TMF1: variants seen among roughly 807,000 people sequenced by gnomAD.
The protein encoded by TMF1 is TATA element modulatory factor.
In TMF1, 71 loss-of-function variants were observed where a neutral mutation model predicts 126.5. The ratio of observed to expected loss-of-function variants is 0.56; its 90% CI spans 0.46 to 0.68. The LOEUF (loss-of-function observed/expected upper bound fraction) is 0.68, where lower values mean the gene tolerates loss of function less well. TMF1 is among the 30% of genes least tolerant of loss of function. The probability of loss-of-function intolerance (pLI) is 0.00; values close to 1 mark genes in which losing one functional copy is unlikely to be tolerated. For synonymous variants in TMF1, 461 were observed against 430.5 expected (o/e 1.07, Z -0.88); for missense variants, 1,259 against 1,253.2 (o/e 1.00, Z -0.07).
At chr3:69,035,291 T>C in intron 8 of TMF1, 176 bp from the exon 9 acceptor site, 1 of 563,408 alleles carries the variant, frequency 1.8e-6, no homozygotes, top group South Asian at 2.4e-5. Context: ...TCTAAAACTG[T>C]ATGTATATTC....
chr3:69,046,300 A>T (rs2091895520), intron 2 of TMF1, among the ~76,000 whole-genome samples: 1 of 57,666 alleles, frequency 1.7e-5, no homozygotes, highest in Non-Finnish European at 3.9e-5. Flanking sequence ...GGACTCAAAA[A>T]AATAGTCTTA....
At position 69,021,446 on chromosome 3, in the gene TMF1, T is replaced by C. The variant is rs2091737059; in HGVS notation, c.*1731A>G. On this transcript the variant is annotated 3_prime_UTR_variant, in exon 17 of 17. Coordinates refer to ENST00000398559, the MANE Select transcript of TMF1 (RefSeq NM_007114.3). ...AGCTGACAAAAAGCTATTAGACTACTTTTTACTACTAAAATGAAGAAAATT... is the reference window on the plus strand; with the variant it reads ...AGCTGACAAAAAGCTATTAGACTACCTTTTACTACTAAAATGAAGAAAATT... 1.3e-5 allele frequency: 2 copies of C among 152,582 alleles called. No individual in the cohort carries two copies. The highest frequency in any genetic ancestry group is 4.8e-5 in the African/African-American group (2 of 41,440). The allele number at this position is 152,582 out of a possible 1,614,324, so 9.5% of individuals were successfully genotyped here. A position where few individuals can be genotyped will look rare whatever the true frequency, so the allele number is the denominator to read the frequency against.
Position 69,038,886 on chromosome 3 carries a change from C to T in TMF1, c.1951G>A (p.Glu651Lys). 1 of 1,611,496 alleles carries T rather than the reference C, an allele frequency of 6.2e-7. No individual in the cohort carries two copies. Among genetic ancestry groups the T allele is most frequent in the Admixed American group, 1.7e-5 (1 of 59,422 alleles). Residue 651 changes from glutamate to lysine, a missense_variant, in exon 7 of 17, where the codon GAA becomes AAA. Physicochemically the swap from Glu to Lys is moderately conservative, Grantham distance 56. Transcript: ENST00000398559. Reference sequence around the variant, plus strand: ...GCAGCCTGAATACTTCGGTTCTTTTCTTCAAGTTCATCCATGTCTACCTGA... The same window carrying T: ...GCAGCCTGAATACTTCGGTTCTTTTTTTCAAGTTCATCCATGTCTACCTGA... ...RLQVDMDELE[E>K]KNRSIQAALD...
rs763483475 is a variant in TMF1 at position 69,039,009 on chromosome 3, C to G, written c.1828G>C (p.Val610Leu). 4 of 1,543,468 alleles carry G rather than the reference C, an allele frequency of 2.6e-6. No individual in the cohort carries two copies. Among genetic ancestry groups the G allele is most frequent in the Admixed American group, 4.2e-5 (2 of 47,214 alleles). The change falls in exon 7 of 17, where the codon GTC becomes CTC. Residue 610 changes from valine (V) to leucine (L), a missense_variant and splice_region_variant. Coordinates refer to ENST00000398559, the MANE Select transcript of TMF1 (RefSeq NM_007114.3). Reference protein sequence around the residue: ...LEEELQHLKQVLDGKEEVEKQ... With the variant: ...LEEELQHLKQLLDGKEEVEKQ... ...TCAACCTCTTCTTTGCCATCAAGGA[C>G]CTATATGTTATAAAAACAGACAAAA... is the stretch of plus-strand genomic sequence containing the variant.
In TMF1 at chr3:69,029,959, G is replaced by A; in HGVS notation, c.2450C>T (p.Ala817Val). The change falls in exon 11 of 17, where the codon GCT becomes GTT. Residue 817 changes from alanine (A) to valine (V), a missense_variant. Ala to Val is a moderately conservative substitution (Grantham distance 64). Coordinates refer to ENST00000398559, the MANE Select transcript of TMF1 (RefSeq NM_007114.3). Reference sequence around the variant, plus strand: ...TTTGTTAGCAAGGAGTTCTTCTGTAGCTGCACGTTCTCTCTCAACTGCTGC... The same window carrying A: ...TTTGTTAGCAAGGAGTTCTTCTGTAACTGCACGTTCTCTCTCAACTGCTGC... Reference protein sequence around the residue: ...LAAAVERERAATEELLANKIQ... With the variant: ...LAAAVERERAVTEELLANKIQ... 1 of 1,614,090 alleles carries A rather than the reference G, an allele frequency of 6.2e-7. No homozygotes were observed. Among genetic ancestry groups the A allele is most frequent in the Non-Finnish European group, 8.5e-7 (1 of 1,179,990 alleles).
chr3:69,050,266 A>C (rs573664056), intron 1 of TMF1, among the ~76,000 whole-genome samples: 27 of 151,620 alleles, frequency 1.8e-4, no homozygotes, highest in African/African-American at 5.1e-4. Context: ...TCTCAAAAAA[A>C]AAAAAAACAA....
At chr3:69,029,062 G>A (rs1406199452) in intron 11 of TMF1, among the ~76,000 whole-genome samples, 1 of 148,560 alleles carries the variant, frequency 6.7e-6, no homozygotes. Context: ...TTTTGGAGAC[G>A]GAGTCTCGCT....
In TMF1 at chr3:69,023,975, A is replaced by T. The variant is rs578042406; in HGVS notation, c.3138+80T>A. 2.3e-6 allele frequency: 3 copies of T among 1,326,350 alleles called. No individual in the cohort carries two copies. The African/African-American group carries it at 4.6e-5, about 20-fold the overall frequency. 82.2% of individuals were successfully genotyped at this position (1,326,350 alleles called of 1,614,324 possible). ...TAATTTTCAAATAAATCACTAACAC[A>T]TACTATAAATTAAAAACATGAGATT... On this transcript the variant is annotated intron_variant, in intron 16 of 16. Coordinates refer to ENST00000398559, the MANE Select transcript of TMF1 (RefSeq NM_007114.3).
intron 11 of TMF1, among the ~76,000 whole-genome samples, chr3:69,029,468 C>T (rs1238489633): frequency 6.7e-6 from 1 of 149,888 alleles, no homozygotes; most frequent in Non-Finnish European, 1.5e-5. Flanking sequence ...TTTTTGAGAC[C>T]GAGTCTCACT....
chr3:69,023,356 C>T (rs2091750041), intron 16 of TMF1, 36 bp from the exon 17 acceptor site: 2 of 1,516,196 alleles, frequency 1.3e-6, no homozygotes, highest in African/African-American at 1.4e-5. Context: ...TTTAAAATAA[C>T]TACACAGAAC....
intron 7 of TMF1, 42 bp downstream of exon 7, chr3:69,038,801 T>C (rs1281596265): frequency 6.3e-7 from 1 of 1,585,842 alleles, no homozygotes; most frequent in African/African-American, 1.4e-5. Context: ...CCTACTCTGA[T>C]AATTCATTCT....
chr3:69,033,440 C>A, intron 10 of TMF1, 108 bp downstream of exon 10: 1 of 1,248,346 alleles, frequency 8.0e-7, no homozygotes, highest in Non-Finnish European at 1.1e-6. Flanking sequence ...ATATTAGACA[C>A]AAAATGTAAC....
Position 69,022,768 on chromosome 3 carries a change from C to T in TMF1, c.*409G>A, listed in dbSNP as rs2091746475. The stretch of plus-strand genomic sequence containing the variant: ...TTAAATGTGAAAGATTTCAAAGTTT[C>T]AGTATGTTAACATTACTCTTCAAAT... On this transcript the variant is annotated 3_prime_UTR_variant, in exon 17 of 17. Transcript: ENST00000398559. 1 of 152,518 alleles carries T rather than the reference C, an allele frequency of 6.6e-6. No homozygotes were observed. The highest frequency in any genetic ancestry group is 2.1e-4 in the South Asian group (1 of 4,836). 9.4% of individuals were successfully genotyped at this position (152,518 alleles called of 1,614,324 possible).
intron 8 of TMF1, among the ~76,000 whole-genome samples, chr3:69,037,948 T>C (rs961671024): frequency 4.6e-5 from 7 of 152,200 alleles, no homozygotes; most frequent in Non-Finnish European, 7.3e-5. Flanking sequence ...CCCTCACCTA[T>C]TGCTGGTGGG....
rs375395667 is a variant in TMF1, at chr3:69,038,865, C to T, written c.1972G>A (p.Ala658Thr). Residue 658 changes from alanine (A) to threonine (T), a missense_variant, in exon 7 of 17, where the codon GCT becomes ACT. Transcript: ENST00000398559. ...TACTTGTATGCACTATCCAGGGCAG[C>T]CTGAATACTTCGGTTCTTTTCTTCA... ...ELEEKNRSIQ[A>T]ALDSAYKELT... The T allele has an allele frequency of 2.5e-4, 395 of 1,607,698 alleles. 4 individuals carry two copies. In the South Asian group the frequency reaches 4.1e-3, roughly 17 times the overall value.
intron 1 of TMF1, among the ~76,000 whole-genome samples, chr3:69,050,911 T>C (rs537279714): frequency 1.3e-5 from 2 of 152,328 alleles, no homozygotes; most frequent in South Asian, 4.1e-4. Context: ...GAACTGTTCC[T>C]TAGACTTAAG....
chr3:69,048,234 CAAA>C lies in TMF1; in HGVS notation c.468_470del (p.Leu157del). The C allele has an allele frequency of 6.2e-7, 1 of 1,614,184 alleles. No homozygotes were observed. The highest frequency in any genetic ancestry group is 8.5e-7 in the Non-Finnish European group (1 of 1,180,036). On this transcript the variant is annotated inframe_deletion, in exon 2 of 17. Transcript: ENST00000398559. ...CTGCCAGAGTTTCCCCTGAAACACA[CAAA>C]GAAGAGTCTTTTACTTGTGATTCAG... is the stretch of plus-strand genomic sequence containing the variant.
At chr3:69,032,613 C>CT (rs11447014) in intron 10 of TMF1, among the ~76,000 whole-genome samples, 110,393 of 143,862 alleles carry the variant, frequency 0.77, 42,211 homozygotes, top group Admixed American at 0.81. Flanking sequence ...AATATGGAAT[C>CT]TTTTTTTTTT....
chr3:69,040,046 T>C (rs1429247075), intron 5 of TMF1, among the ~76,000 whole-genome samples: 1 of 152,212 alleles, frequency 6.6e-6, no homozygotes, highest in Non-Finnish European at 1.5e-5. Context: ...ATATAGTTGT[T>C]CAATATCACC....
Sources: gnomAD v4.1 joint callset for allele counts (sites outside exome capture counted in the v4.1 genomes callset) on GRCh38, gnomAD v4.1.1 for gene constraint, MANE v1.5 for transcripts, NCBI Gene and HGNC (gene_info 2026-07-23, HGNC 2026-07-21) for gene names.